The following BMP3 variants were observed in gnomAD, a reference collection of about 807,000 sequenced individuals.
The protein encoded by BMP3 is bone morphogenetic protein 3 (osteogenic).
Under a neutral mutation model 38.1 loss-of-function variants are expected in BMP3, and 23 were observed. The observed-to-expected ratio is 0.60, with a 90% CI of 0.43 to 0.86. The LOEUF (loss-of-function observed/expected upper bound fraction) is 0.86, where lower values mean the gene tolerates loss of function less well. Among genes scored for constraint, BMP3 ranks in the 40% least tolerant of loss-of-function variants. The pLI is 0.00. For synonymous variants in BMP3, 258 were observed against 225.7 expected (o/e 1.14, Z -1.28); for missense variants, 628 against 579.6 (o/e 1.08, Z -0.86).
At chr4:81,034,226 G>C (rs373329875) in intron 1 of BMP3, among the ~76,000 whole-genome samples, 75 of 130,584 alleles carry the variant, frequency 5.7e-4, no homozygotes, top group African/African-American at 1.8e-3. Flanking sequence ...TGCCAAAACC[G>C]TAAGTTTGGA....
rs1739733367 is a variant in BMP3 at position 81,030,978 on chromosome 4, AC to A, written c.-304del. 3 of 382,658 alleles carry A rather than the reference AC, an allele frequency of 7.8e-6. No individual in the cohort carries two copies. The highest frequency in any genetic ancestry group is 1.4e-5 in the Non-Finnish European group (3 of 213,434). The allele number at this position is 382,658 out of a possible 1,614,324, so 23.7% of individuals were successfully genotyped here. A position where few individuals can be genotyped will look rare whatever the true frequency, so the allele number is the denominator to read the frequency against. ...GAAGGTACAGACAGATCTTGAAAAC[AC>A]CCGGGCCACACACGCCGCGACCTAC... On this transcript the variant is annotated 5_prime_UTR_variant, in exon 1 of 3. Transcript: ENST00000282701.
intron 2 of BMP3, among the ~76,000 whole-genome samples, chr4:81,051,637 A>C (rs1354575292): frequency 6.6e-6 from 1 of 152,186 alleles, no homozygotes; most frequent in Non-Finnish European, 1.5e-5. Flanking sequence ...AATAACAAGC[A>C]ATGGCTACTG....
rs113576327 is a variant in BMP3, at chr4:81,040,215, C to A, written c.317-5523C>A. 1.7e-3 allele frequency among the ~76,000 whole-genome samples: 255 copies of A among 152,242 alleles called. 1 individual carries two copies. The highest frequency in any genetic ancestry group is 6.0e-3 in the African/African-American group (250 of 41,532). Reference sequence around the variant, plus strand: ...ATAAATACATTCCCATGTGCCAGTGCCAGCAAACAGTAAGAAAATAGCACC... The same window carrying A: ...ATAAATACATTCCCATGTGCCAGTGACAGCAAACAGTAAGAAAATAGCACC... On this transcript the variant is annotated intron_variant, in intron 1 of 2. Transcript: ENST00000282701.
chr4:81,038,029 T>G (rs1396707726), intron 1 of BMP3, among the ~76,000 whole-genome samples: 3 of 152,176 alleles, frequency 2.0e-5, no homozygotes, highest in African/African-American at 7.2e-5. Flanking sequence ...TCTAAGCTTC[T>G]GTCCCTAGAG....
Position 81,031,179 on chromosome 4 carries a change from C to G in BMP3, c.-106C>G. 1.6e-6 allele frequency: 2 copies of G among 1,261,278 alleles called. No homozygotes were observed. The highest frequency in any genetic ancestry group is 2.1e-6 in the Non-Finnish European group (2 of 936,564). 78.1% of individuals were successfully genotyped at this position (1,261,278 alleles called of 1,614,324 possible). ...CGTCCCGGGCTCCGTGCGCCCTCGCCCCAGCTGGTTTGGAGTTCAACCCTC... is the reference window on the plus strand; with the variant it reads ...CGTCCCGGGCTCCGTGCGCCCTCGCGCCAGCTGGTTTGGAGTTCAACCCTC... On this transcript the variant is annotated 5_prime_UTR_variant, in exon 1 of 3. Transcript: ENST00000282701.
At position 81,049,214 on chromosome 4, in the gene BMP3, C is replaced by T. The variant is rs1248169476; in HGVS notation, c.1227+2566C>T. ...GAGACTGAGGAGAAAGAAAAGCAAA[C>T]GTAGGACTCTGAAGAAAGACTACAT... On this transcript the variant is annotated intron_variant, in intron 2 of 2. Coordinates refer to ENST00000282701, the MANE Select transcript of BMP3 (RefSeq NM_001201.5). 3.9e-5 allele frequency among the ~76,000 whole-genome samples: 6 copies of T among 152,092 alleles called. No individual in the cohort carries two copies. The South Asian group carries it at 6.2e-4, about 16-fold the overall frequency.
intron 2 of BMP3, among the ~76,000 whole-genome samples, chr4:81,050,917 A>C (rs1740386074): frequency 6.6e-6 from 1 of 152,082 alleles, no homozygotes; most frequent in Admixed American, 6.6e-5. Context: ...GAAATTCCGG[A>C]CTGGCAATAT....
intron 1 of BMP3, among the ~76,000 whole-genome samples, chr4:81,038,154 A>C (rs1232107671): frequency 6.6e-6 from 1 of 152,110 alleles, no homozygotes; most frequent in East Asian, 1.9e-4. Flanking sequence ...TGGTTTATTG[A>C]CTTATATAAT....
intron 1 of BMP3, among the ~76,000 whole-genome samples, chr4:81,034,625 C>T (rs1420165324): frequency 6.6e-6 from 1 of 152,042 alleles, no homozygotes; most frequent in East Asian, 1.9e-4. Context: ...ATGACATGCA[C>T]CCACCAAAAT....
Position 81,031,659 on chromosome 4 carries a change from C to G in BMP3, c.316+59C>G, listed in dbSNP as rs1273400637. On this transcript the variant is annotated intron_variant, in intron 1 of 2. Coordinates refer to ENST00000282701, the MANE Select transcript of BMP3 (RefSeq NM_001201.5). ...TCCCGCCCCAGCTTTCTCCCGGGAC[C>G]CCCCACAGCTTCCTTGTCTGCCCCT... 33 of 1,475,558 alleles carry G rather than the reference C, an allele frequency of 2.2e-5. No homozygotes were observed. The Admixed American group carries it at 2.9e-4, about 13-fold the overall frequency. 91.4% of individuals were successfully genotyped at this position (1,475,558 alleles called of 1,614,324 possible). A position where few individuals can be genotyped will look rare whatever the true frequency, so the allele number is the denominator to read the frequency against.
At position 81,034,609 on chromosome 4, in the gene BMP3, C is replaced by T. The variant is rs56342037; in HGVS notation, c.316+3009C>T. Among the ~76,000 whole-genome samples, 1,203 of 152,222 alleles carry T rather than the reference C, an allele frequency of 7.9e-3. 11 individuals carry two copies. Among genetic ancestry groups the T allele is most frequent in the African/African-American group, 0.021 (876 of 41,548 alleles). On this transcript the variant is annotated intron_variant, in intron 1 of 2. Transcript: ENST00000282701. ...CACACATGTTGTTAGGAAACTTTCA[C>T]TATTCATGACATGCACCCACCAAAA...
At chr4:81,051,268 G>A (rs1281424170) in intron 2 of BMP3, among the ~76,000 whole-genome samples, 1 of 152,130 alleles carries the variant, frequency 6.6e-6, no homozygotes, top group African/African-American at 2.4e-5. Context: ...TATTTGTGTT[G>A]ATAGGAACTA....
At chr4:81,042,839 C>T (rs1171640021) in intron 1 of BMP3, among the ~76,000 whole-genome samples, 1 of 152,130 alleles carries the variant, frequency 6.6e-6, no homozygotes, top group Non-Finnish European at 1.5e-5. Flanking sequence ...CTTCTAGCTA[C>T]TACACGAAAT....
At chr4:81,032,227 C>T (rs1739799939) in intron 1 of BMP3, among the ~76,000 whole-genome samples, 2 of 94,058 alleles carry the variant, frequency 2.1e-5, no homozygotes, top group South Asian at 3.5e-4. Flanking sequence ...AAAACAGGTG[C>T]TTGGGTGTTT....
chr4:81,031,318 C>T lies in BMP3; in HGVS notation c.34C>T (p.Leu12=). ...AGASRLLFLW[L]GCFCVSLAQG... ...GGCGAGCAGGCTGCTCTTTCTGTGG[C>T]TGGGCTGCTTCTGCGTGAGCCTGGC... The change falls in exon 1 of 3, where the codon CTG becomes TTG. Residue 12 remains leucine (L), a synonymous_variant. Coordinates refer to ENST00000282701, the MANE Select transcript of BMP3 (RefSeq NM_001201.5). 1 of 1,609,910 alleles carries T rather than the reference C, an allele frequency of 6.2e-7. No individual in the cohort carries two copies. Among genetic ancestry groups the T allele is most frequent in the Non-Finnish European group, 8.5e-7 (1 of 1,178,506 alleles).
intron 2 of BMP3, among the ~76,000 whole-genome samples, chr4:81,049,372 A>T (rs1740345919): frequency 6.6e-6 from 1 of 152,168 alleles, no homozygotes; most frequent in Non-Finnish European, 1.5e-5. Flanking sequence ...GAGCTCTTCC[A>T]GGGAGGTTTA....
chr4:81,037,672 G>A lies in BMP3; in HGVS notation c.316+6072G>A, dbSNP rs561918434. Among the ~76,000 whole-genome samples the A allele has an allele frequency of 2.6e-5, 4 of 152,228 alleles. No individual in the cohort carries two copies. In the East Asian group the frequency reaches 7.7e-4, roughly 29 times the overall value. ...ACAAAGCATTAAACATATCTCAAATGTTGATAATATGTACTTGTCTGTAGC... is the reference window on the plus strand; with the variant it reads ...ACAAAGCATTAAACATATCTCAAATATTGATAATATGTACTTGTCTGTAGC... On this transcript the variant is annotated intron_variant, in intron 1 of 2. Transcript: ENST00000282701.
intron 1 of BMP3, among the ~76,000 whole-genome samples, chr4:81,039,492 G>A (rs1278829419): frequency 6.6e-6 from 1 of 152,140 alleles, no homozygotes; most frequent in East Asian, 1.9e-4. Context: ...AGCTACTCCT[G>A]GAGAGGCACT....
intron 1 of BMP3, 24 bp downstream of exon 1, chr4:81,031,624 C>T: frequency 1.3e-6 from 2 of 1,541,436 alleles, no homozygotes; most frequent in Non-Finnish European, 1.7e-6. Flanking sequence ...GTGAGACTCC[C>T]TTCCCGCGGT....
Sources: gnomAD v4.1 joint callset for allele counts (sites outside exome capture counted in the v4.1 genomes callset) on GRCh38, gnomAD v4.1.1 for gene constraint, MANE v1.5 for transcripts, NCBI Gene and HGNC (gene_info 2026-07-23, HGNC 2026-07-21) for gene names.